SETD9: variants seen among roughly 807,000 people sequenced by gnomAD.
The protein encoded by SETD9 is SET domain containing 9.
A neutral mutation model predicts 36.4 loss-of-function variants in SETD9; 37 were observed. The observed-to-expected ratio is 1.02, with a 90% CI of 0.78 to 1.34. The LOEUF is 1.34. Ranked by LOEUF, SETD9 falls within the 40% of genes most tolerant of loss-of-function variation. The probability of loss-of-function intolerance (pLI) is 0.00; values close to 1 mark genes in which losing one functional copy is unlikely to be tolerated. For synonymous variants in SETD9, 128 were observed against 132.9 expected, an observed-to-expected ratio of 0.96 and a Z score of 0.26; for missense variants, 323 against 353.2, an observed-to-expected ratio of 0.91 and a Z score of 0.69.
downstream of SETD9, chr5:56,928,848 T>C (rs1422867317): frequency 6.2e-7 from 1 of 1,612,638 alleles, no homozygotes; most frequent in South Asian, 1.1e-5. Context: ...CTTCCGTCCA[T>C]GCAGTCATTC....
chr5:56,918,742 T>TTTGC (rs1749528441), downstream of SETD9, among the ~76,000 whole-genome samples: 1 of 152,206 alleles, frequency 6.6e-6, no homozygotes. Flanking sequence ...AGTCAAGATT[T>TTTGC]TTGCTTTCCT....
chr5:56,919,807 G>C (rs1749582381), downstream of SETD9: 1 of 152,514 alleles, frequency 6.6e-6, no homozygotes, highest in African/African-American at 2.4e-5. Context: ...TTCAAACTGG[G>C]ACAATTGGAA....
chr5:56,909,803 G>A, intron 1 of SETD9, 60 bp downstream of exon 1: 1 of 1,516,762 alleles, frequency 6.6e-7, no homozygotes, highest in Non-Finnish European at 9.0e-7. Flanking sequence ...ACGCCACCAC[G>A]GCGGCGGGAC....
rs747438257 is a variant in SETD9, at chr5:56,923,337, A to G, written c.813-1996A>G. The G allele has an allele frequency of 5.0e-6, 8 of 1,614,152 alleles. No homozygotes were observed. The South Asian group carries it at 8.8e-5, about 18-fold the overall frequency. On this transcript the variant is annotated intron_variant, in intron 5 of 5. Coordinates refer to the SETD9 transcript ENST00000628593. ...TCAGGGACGGCAATGCCCATTTTCA[A>G]TCTTTTTGCTGGTCTCTCTGACTCT...
chr5:56,921,577 C>T (rs973715795), downstream of SETD9: 3 of 152,558 alleles, frequency 2.0e-5, no homozygotes, highest in Non-Finnish European at 4.4e-5. Flanking sequence ...ACACATCATC[C>T]AAAACTAAGG....
At chr5:56,910,589 CTTT>C in intron 1 of SETD9, 1 of 329,892 alleles carries the variant, frequency 3.0e-6, no homozygotes, top group Non-Finnish European at 5.9e-6. Context: ...GAATTACAAC[CTTT>C]TTGTTCAAGT....
chr5:56,923,059 T>TC, intron 5 of SETD9: 1 of 1,339,398 alleles, frequency 7.5e-7, no homozygotes, highest in Non-Finnish European at 1.0e-6. Context: ...AGTGAAAGAC[T>TC]ATGCAAACCT....
chr5:56,909,919 G>A (rs911935543), intron 1 of SETD9, 176 bp downstream of exon 1: 18 of 1,008,260 alleles, frequency 1.8e-5, no homozygotes, highest in Non-Finnish European at 2.4e-5. Context: ...GGCCTCGGAG[G>A]GGTTTAAGGA....
upstream of SETD9, chr5:56,909,411 AGTG>A: frequency 2.4e-6 from 1 of 410,960 alleles, no homozygotes; most frequent in East Asian, 3.9e-5. Flanking sequence ...AGAAAGAAAA[AGTG>A]GTCAAGGGGA....
chr5:56,923,405 C>T, intron 5 of SETD9: 1 of 1,614,188 alleles, frequency 6.2e-7, no homozygotes, highest in Non-Finnish European at 8.5e-7. Flanking sequence ...GTGATAAAAT[C>T]CAGTCTCAAA....
chr5:56,911,051 C>T (rs1029006466), intron 1 of SETD9, 118 bp from the exon 2 acceptor site: 2 of 1,210,148 alleles, frequency 1.7e-6, no homozygotes, highest in East Asian at 2.5e-5. Flanking sequence ...GTTTCCAGCC[C>T]TCCACACACA....
At chr5:56,925,449 T>C in exon 6 of SETD9, 1 of 383,102 alleles carries the variant, frequency 2.6e-6, no homozygotes. Context: ...GTCAACTGCT[T>C]TCCTATATAA....
In SETD9 at chr5:56,910,097, C is replaced by G. The variant is rs1020690416; in HGVS notation, c.98+354C>G. ...TCGCCAGCCGGATGTGTCGCCTGTT[C>G]TTCCCTGTTGCGTTCGGCACTGACT... is the stretch of plus-strand genomic sequence containing the variant. On this transcript the variant is annotated intron_variant, in intron 1 of 5. Transcript: ENST00000285947. 17 of 1,249,160 alleles carry G rather than the reference C, an allele frequency of 1.4e-5. No homozygotes were observed. The Admixed American group carries it at 4.6e-4, about 34-fold the overall frequency. 77.4% of individuals were successfully genotyped at this position (1,249,160 alleles called of 1,614,324 possible).
At position 56,911,365 on chromosome 5, in the gene SETD9, C is replaced by A. The variant is rs530558151; in HGVS notation, c.295C>A (p.Leu99Met). Reference protein sequence around the residue: ...LLAVEHQGVKLLENRHQQQST... With the variant: ...LLAVEHQGVKMLENRHQQQST... The stretch of plus-strand genomic sequence containing the variant: ...GGCAGTTGAACATCAAGGGGTGAAA[C>A]TGCTTGAAAACAGACATCAACAGCA... Residue 99 changes from leucine to methionine, a missense_variant, in exon 2 of 6, where the codon CTG (leucine) becomes ATG (methionine). Transcript: ENST00000285947. 1.4e-5 allele frequency: 22 copies of A among 1,612,906 alleles called. No individual in the cohort carries two copies. The African/African-American group carries it at 2.7e-4, about 20-fold the overall frequency.
At chr5:56,918,874 G>A (rs1749533013), downstream of SETD9, among the ~76,000 whole-genome samples, 1 of 152,262 alleles carries the variant, frequency 6.6e-6, no homozygotes, top group Non-Finnish European at 1.5e-5. Context: ...ACAAACTTGT[G>A]AAATAATGGC....
Position 56,917,148 on chromosome 5 carries a change from T to C in SETD9, c.*246T>C, listed in dbSNP as rs1749472187. On this transcript the variant is annotated 3_prime_UTR_variant, in exon 6 of 6. Transcript: ENST00000285947. The stretch of plus-strand genomic sequence containing the variant: ...AATTGGTTTTCACCTAAATACACAA[T>C]AGCTTATTAAATTAAAACCTACTCT... The C allele has an allele frequency of 6.9e-6, 8 of 1,166,666 alleles. No individual in the cohort carries two copies. The highest frequency in any genetic ancestry group is 8.5e-6 in the Non-Finnish European group (8 of 946,374). 72.3% of individuals were successfully genotyped at this position (1,166,666 alleles called of 1,614,324 possible). A position where few individuals can be genotyped will look rare whatever the true frequency, so the allele number is the denominator to read the frequency against.
intron 2 of SETD9, 111 bp from the exon 3 acceptor site, chr5:56,912,900 A>G: frequency 8.4e-7 from 1 of 1,185,782 alleles, no homozygotes; most frequent in Non-Finnish European, 1.2e-6. Context: ...ACGCTTTAAG[A>G]GGGAGAAAGT....
downstream of SETD9, among the ~76,000 whole-genome samples, chr5:56,917,855 C>T (rs1021859602): frequency 1.3e-5 from 2 of 152,222 alleles, no homozygotes; most frequent in South Asian, 4.1e-4. Context: ...GACTCCAGCT[C>T]TCTCAGTTCC....
chr5:56,911,584 A>G, intron 2 of SETD9, 48 bp downstream of exon 2: 1 of 1,480,370 alleles, frequency 6.8e-7, no homozygotes, highest in Non-Finnish European at 8.9e-7. Flanking sequence ...TTACGTATTG[A>G]TAAACATAAG....
Sources: allele counts gnomAD v4.1 joint callset (sites outside exome capture counted in the v4.1 genomes callset), GRCh38; gene constraint gnomAD v4.1.1; transcripts MANE v1.5; gene names NCBI Gene and HGNC (gene_info 2026-07-23, HGNC 2026-07-21).